The following MACROD2 variants were observed in gnomAD, a reference collection of about 807,000 sequenced individuals.
MACROD2 encodes the protein mono-ADP ribosylhydrolase 2.
Under a neutral mutation model 70.4 loss-of-function variants are expected in MACROD2, and 36 were observed. The ratio of observed to expected loss-of-function variants is 0.51; its 90% CI spans 0.39 to 0.68. The LOEUF is 0.68. Ranked by LOEUF, MACROD2 falls within the 30% of genes least tolerant of loss-of-function variation. The pLI, the probability that MACROD2 is intolerant of heterozygous loss-of-function variation, is 0.00. For synonymous variants in MACROD2, 172 were observed against 178.8 expected (o/e 0.96, Z 0.30); for missense variants, 496 against 538.4 (o/e 0.92, Z 0.78).
At chr20:15,014,463 G>C (rs1380291507) in intron 5 of MACROD2, among the ~76,000 whole-genome samples, 1 of 152,096 alleles carries the variant, frequency 6.6e-6, no homozygotes, top group Non-Finnish European at 1.5e-5. Flanking sequence ...TATATGAAAT[G>C]ATTAAAAACA....
At chr20:15,393,270 G>A (rs1255409933) in intron 6 of MACROD2, among the ~76,000 whole-genome samples, 1 of 152,174 alleles carries the variant, frequency 6.6e-6, no homozygotes, top group Non-Finnish European at 1.5e-5. Context: ...ATTGGAATGA[G>A]TGTGTGATTG....
chr20:14,664,319 G>A (rs79891001), intron 4 of MACROD2, among the ~76,000 whole-genome samples: 1,889 of 152,132 alleles, frequency 0.012, 52 homozygotes, highest in African/African-American at 0.043. Flanking sequence ...CCCACGTTTC[G>A]GTAAGCCCTT....
At chr20:15,288,886 T>TATCC (rs1366032036) in intron 6 of MACROD2, among the ~76,000 whole-genome samples, 7 of 151,970 alleles carry the variant, frequency 4.6e-5, no homozygotes, top group Admixed American at 1.3e-4. Flanking sequence ...TCTATCTATC[T>TATCC]ATCTATCTAT....
intron 5 of MACROD2, among the ~76,000 whole-genome samples, chr20:14,833,033 C>T (rs962070443): frequency 5.3e-5 from 8 of 152,144 alleles, no homozygotes; most frequent in African/African-American, 1.9e-4. Flanking sequence ...CTGTCTTCTG[C>T]CATAGCCACA....
intron 3 of MACROD2, among the ~76,000 whole-genome samples, chr20:14,170,160 G>C (rs1431744642): frequency 1.3e-5 from 2 of 152,146 alleles, no homozygotes; most frequent in African/African-American, 4.8e-5. Context: ...CCAAAGTGCC[G>C]GGATTGCAGG....
At chr20:15,701,973 T>C (rs1394024645) in intron 8 of MACROD2, among the ~76,000 whole-genome samples, 2 of 152,204 alleles carry the variant, frequency 1.3e-5, no homozygotes, top group East Asian at 1.9e-4. Context: ...GCTGCATCCA[T>C]GGTGCTGCAA....
intron 5 of MACROD2, among the ~76,000 whole-genome samples, chr20:14,943,446 G>A (rs1239634020): frequency 6.7e-6 from 1 of 150,310 alleles, no homozygotes; most frequent in African/African-American, 2.5e-5. Context: ...TTAAAATTTT[G>A]TTTACATGCT....
In MACROD2 at chr20:15,142,325, G is replaced by A. The variant is rs75476782; in HGVS notation, c.419-87615G>A. On this transcript the variant is annotated intron_variant, in intron 5 of 17. Coordinates refer to ENST00000684519, the MANE Select transcript of MACROD2 (RefSeq NM_001351661.2). ...GGTTTTTGATAATGGCAAATGCCTA[G>A]ATAACCAGTATTTCTCAAAGTAAAG... Among the ~76,000 whole-genome samples, 517 of 152,252 alleles carry A rather than the reference G, an allele frequency of 3.4e-3. 4 individuals are homozygous for A. Among genetic ancestry groups the A allele is most frequent in the African/African-American group, 0.011 (460 of 41,552 alleles).
intron 5 of MACROD2, among the ~76,000 whole-genome samples, chr20:14,881,759 GC>G (rs993949376): frequency 5.9e-5 from 9 of 152,070 alleles, no homozygotes; most frequent in Non-Finnish European, 1.2e-4. Context: ...AGATGCATGT[GC>G]CCCACCTTTT....
At chr20:15,759,145 CAAA>C (rs57212358) in intron 8 of MACROD2, among the ~76,000 whole-genome samples, 1 of 58,922 alleles carries the variant, frequency 1.7e-5, no homozygotes, top group Non-Finnish European at 3.1e-5. Context: ...GACTCCATCT[CAAA>C]AAAAAAAAAA....
At chr20:15,247,531 T>C (rs1221543845) in intron 6 of MACROD2, among the ~76,000 whole-genome samples, 3 of 152,200 alleles carry the variant, frequency 2.0e-5, no homozygotes, top group Admixed American at 2.0e-4. Context: ...AATCGAACTT[T>C]CTGTTGGGAC....
intron 4 of MACROD2, among the ~76,000 whole-genome samples, chr20:14,653,886 A>G (rs1012284685): frequency 1.3e-5 from 2 of 152,178 alleles, no homozygotes; most frequent in Non-Finnish European, 2.9e-5. Flanking sequence ...CGTTTTCCAG[A>G]GTTCCCCAGC....
At chr20:15,487,714 A>G (rs1272218759) in intron 7 of MACROD2, among the ~76,000 whole-genome samples, 2 of 152,180 alleles carry the variant, frequency 1.3e-5, no homozygotes, top group African/African-American at 4.8e-5. Flanking sequence ...AAGATTCTCC[A>G]TGCCAAATGT....
At chr20:14,203,733 A>T (rs1569204764) in intron 3 of MACROD2, among the ~76,000 whole-genome samples, 1 of 152,214 alleles carries the variant, frequency 6.6e-6, no homozygotes, top group Non-Finnish European at 1.5e-5. Flanking sequence ...TACTGGGGAC[A>T]GGAATGCCAG....
At chr20:15,771,544 T>C (rs1300419716) in intron 8 of MACROD2, among the ~76,000 whole-genome samples, 1 of 150,988 alleles carries the variant, frequency 6.6e-6, no homozygotes. Flanking sequence ...AATTTTCTAT[T>C]TAAAAAAAAA....
intron 4 of MACROD2, among the ~76,000 whole-genome samples, chr20:14,628,277 T>C (rs2038908): frequency 6.6e-6 from 1 of 152,018 alleles, no homozygotes; most frequent in Non-Finnish European, 1.5e-5. Context: ...TTTGGATTTA[T>C]TACTGTAGTC....
intron 7 of MACROD2, among the ~76,000 whole-genome samples, chr20:15,435,064 G>A (rs2046410934): frequency 6.6e-6 from 1 of 152,044 alleles, no homozygotes; most frequent in African/African-American, 2.4e-5. Flanking sequence ...CTGTCTGTTG[G>A]ATGCAGTGTA....
chr20:14,429,339 G>A (rs1020504438), intron 3 of MACROD2, among the ~76,000 whole-genome samples: 1 of 152,040 alleles, frequency 6.6e-6, no homozygotes, highest in African/African-American at 2.4e-5. Flanking sequence ...CCTTGTTCAT[G>A]GTCCTGTTAG....
At chr20:14,564,639 A>G (rs376985263) in intron 4 of MACROD2, among the ~76,000 whole-genome samples, 5 of 152,138 alleles carry the variant, frequency 3.3e-5, no homozygotes, top group South Asian at 4.1e-4. Flanking sequence ...AATTAAAGCC[A>G]CAATACCATT....
Sources: allele counts gnomAD v4.1 joint callset (sites outside exome capture counted in the v4.1 genomes callset), GRCh38; gene constraint gnomAD v4.1.1; transcripts MANE v1.5; gene names NCBI Gene and HGNC (gene_info 2026-07-23, HGNC 2026-07-21).